CTNND2: variants seen among roughly 807,000 people sequenced by gnomAD.
CTNND2 encodes the protein catenin delta 2.
CTNND2 carries 22 observed loss-of-function variants against 144.4 expected under a neutral mutation model. The ratio of observed to expected loss-of-function variants is 0.15; its 90% CI spans 0.11 to 0.22. CTNND2 has a LOEUF of 0.22. Among genes scored for constraint, CTNND2 ranks in the 10% least tolerant of loss-of-function variants. The pLI is 1.00. For missense variants in CTNND2, 1,353 were observed against 1,618.8 expected, an observed-to-expected ratio of 0.84 and a Z score of 2.82; for synonymous variants, 751 against 695.6, an observed-to-expected ratio of 1.08 and a Z score of -1.25.
intron 15 of CTNND2, among the ~76,000 whole-genome samples, chr5:11,088,846 C>A (rs1750454856): frequency 6.6e-6 from 1 of 152,112 alleles, no homozygotes. Context: ...AAGACAGAAT[C>A]TTATTTTTCT....
intron 2 of CTNND2, among the ~76,000 whole-genome samples, chr5:11,680,094 G>A (rs1164527553): frequency 6.6e-6 from 1 of 152,184 alleles, no homozygotes; most frequent in African/African-American, 2.4e-5. Context: ...AGGAGTGAGG[G>A]AGAACGTTCC....
intron 1 of CTNND2, among the ~76,000 whole-genome samples, chr5:11,750,512 T>C (rs1397843720): frequency 6.6e-6 from 1 of 151,852 alleles, no homozygotes; most frequent in Non-Finnish European, 1.5e-5. Context: ...CCAGAGTGCA[T>C]GACGGGGGAT....
chr5:11,343,605 T>C (rs2149735198), intron 9 of CTNND2, among the ~76,000 whole-genome samples: 1 of 152,294 alleles, frequency 6.6e-6, no homozygotes, highest in South Asian at 2.1e-4. Flanking sequence ...TGTGCTGCAG[T>C]ATGGATTCAA....
intron 9 of CTNND2, among the ~76,000 whole-genome samples, chr5:11,285,154 T>C (rs745854102): frequency 1.3e-5 from 2 of 152,234 alleles, no homozygotes; most frequent in Non-Finnish European, 2.9e-5. Context: ...CTCCAGGTTA[T>C]ATCTGCTGCC....
At chr5:11,035,360 C>T (rs146270858) in intron 16 of CTNND2, among the ~76,000 whole-genome samples, 123 of 152,248 alleles carry the variant, frequency 8.1e-4, no homozygotes, top group African/African-American at 2.8e-3. Context: ...GCATGTAACC[C>T]TCTGTTTCTA....
intron 2 of CTNND2, among the ~76,000 whole-genome samples, chr5:11,584,114 T>C (rs1778645309): frequency 6.6e-6 from 1 of 152,198 alleles, no homozygotes; most frequent in African/African-American, 2.4e-5. Context: ...ATTCCATTAA[T>C]GCTGATGAAA....
At chr5:11,400,358 C>G (rs1454778771) in intron 5 of CTNND2, among the ~76,000 whole-genome samples, 1 of 152,146 alleles carries the variant, frequency 6.6e-6, no homozygotes, top group Non-Finnish European at 1.5e-5. Context: ...AGCGGATCAT[C>G]ATGTCCTTCT....
At chr5:11,308,037 C>T (rs1580858553) in intron 9 of CTNND2, among the ~76,000 whole-genome samples, 1 of 152,206 alleles carries the variant, frequency 6.6e-6, no homozygotes, top group Non-Finnish European at 1.5e-5. Flanking sequence ...CACTGGCCCT[C>T]ACCACACAAC....
At chr5:11,323,131 T>G (rs1351643682) in intron 9 of CTNND2, among the ~76,000 whole-genome samples, 1 of 151,414 alleles carries the variant, frequency 6.6e-6, no homozygotes, top group Non-Finnish European at 1.5e-5. Flanking sequence ...CTTGAACTCC[T>G]GGGGTTAAGT....
intron 10 of CTNND2, among the ~76,000 whole-genome samples, chr5:11,230,404 C>A (rs1389182111): frequency 6.6e-6 from 1 of 151,994 alleles, no homozygotes; most frequent in Non-Finnish European, 1.5e-5. Flanking sequence ...AACATTTAGT[C>A]ACCTCCTAAA....
intron 1 of CTNND2, among the ~76,000 whole-genome samples, chr5:11,855,444 C>T (rs1458708737): frequency 6.6e-6 from 1 of 152,130 alleles, no homozygotes; most frequent in Admixed American, 6.5e-5. Context: ...AACAGAAATT[C>T]CTTTGGGCAA....
At chr5:11,558,330 T>C (rs1339691285) in intron 3 of CTNND2, among the ~76,000 whole-genome samples, 1 of 146,668 alleles carries the variant, frequency 6.8e-6, no homozygotes, top group East Asian at 2.1e-4. Context: ...ATACTTTGGC[T>C]GTGAGAAACA....
intron 7 of CTNND2, among the ~76,000 whole-genome samples, chr5:11,368,465 C>T (rs1757176775): frequency 6.6e-6 from 1 of 152,168 alleles, no homozygotes; most frequent in Non-Finnish European, 1.5e-5. Flanking sequence ...ATTCTAGGGA[C>T]CCAGAGAGGT....
intron 1 of CTNND2, among the ~76,000 whole-genome samples, chr5:11,870,483 G>C (rs564811481): frequency 6.6e-6 from 1 of 152,240 alleles, no homozygotes; most frequent in East Asian, 1.9e-4. Flanking sequence ...ACTTGGAGAT[G>C]AATTTGCTTA....
chr5:11,498,627 T>C (rs894180830), intron 3 of CTNND2, among the ~76,000 whole-genome samples: 5 of 152,224 alleles, frequency 3.3e-5, no homozygotes, highest in Non-Finnish European at 5.9e-5. Context: ...GATGCTCCCA[T>C]CTTTTCTAGC....
At chr5:11,773,315 C>G (rs1790053907) in intron 1 of CTNND2, among the ~76,000 whole-genome samples, 1 of 152,148 alleles carries the variant, frequency 6.6e-6, no homozygotes, top group South Asian at 2.1e-4. Context: ...GACTAATTTA[C>G]ACAATTAGTA....
At chr5:11,804,069 G>A (rs1476794298) in intron 1 of CTNND2, among the ~76,000 whole-genome samples, 1 of 152,136 alleles carries the variant, frequency 6.6e-6, no homozygotes, top group Non-Finnish European at 1.5e-5. Context: ...GACTCTGACA[G>A]GGACTTCTAG....
intron 2 of CTNND2, among the ~76,000 whole-genome samples, chr5:11,574,657 A>T (rs1777837344): frequency 6.6e-6 from 1 of 152,200 alleles, no homozygotes; most frequent in African/African-American, 2.4e-5. Flanking sequence ...GTTCAAGTTC[A>T]CACTACAACT....
intron 2 of CTNND2, among the ~76,000 whole-genome samples, chr5:11,665,732 T>C (rs1356713075): frequency 6.6e-6 from 1 of 152,168 alleles, no homozygotes; most frequent in Non-Finnish European, 1.5e-5. Flanking sequence ...GTGAGGTGTG[T>C]ATTCAGGGGC....
Sources: gnomAD v4.1 joint callset for allele counts (sites outside exome capture counted in the v4.1 genomes callset) on GRCh38, gnomAD v4.1.1 for gene constraint, MANE v1.5 for transcripts, NCBI Gene and HGNC (gene_info 2026-07-23, HGNC 2026-07-21) for gene names.